The following NRBP2 variants were observed in gnomAD, a reference collection of about 807,000 sequenced individuals.
NRBP2 encodes nuclear receptor binding protein 2.
NRBP2 carries 47 observed loss-of-function variants against 74.4 expected under a neutral mutation model. The observed-to-expected ratio is 0.63, with a 90% confidence interval of 0.50 to 0.81. The LOEUF (loss-of-function observed/expected upper bound fraction) is 0.81, where lower values mean the gene tolerates loss of function less well. NRBP2 is among the 30% of genes least tolerant of loss of function. NRBP2 has a pLI of 0.00. For synonymous variants in NRBP2, 312 were observed against 273.8 expected (o/e 1.14, Z -1.38); for missense variants, 613 against 690.1 (o/e 0.89, Z 1.25).
chr8:143,839,562 G>T lies in NRBP2; in HGVS notation c.445-13C>A, dbSNP rs1554653056. ...AGCGCTTCCAGGCCTGGCGGCGGAC[G>T]CACGACTCCGTCGGTCGGGTGGGCG... On this transcript the variant is annotated splice_polypyrimidine_tract_variant and intron_variant, in intron 4 of 17. Transcript: ENST00000442628. This position sits in a 1 kb window ranked among gnomAD's most constrained non-coding sequence, Gnocchi z 5.1. The T allele has an allele frequency of 2.0e-6, 3 of 1,529,296 alleles. No homozygotes were observed. Among genetic ancestry groups the T allele is most frequent in the Non-Finnish European group, 1.7e-6 (2 of 1,144,004 alleles). The allele number at this position is 1,529,296 out of a possible 1,614,324, so 94.7% of individuals were successfully genotyped here. A position where few individuals can be genotyped will look rare whatever the true frequency, so the allele number is the denominator to read the frequency against.
Position 143,833,671 on chromosome 8 carries a change from A to G in NRBP2, c.*1991T>C, listed in dbSNP as rs1554650730. 1 of 152,208 alleles carries G rather than the reference A, an allele frequency of 6.6e-6. No homozygotes were observed. Among genetic ancestry groups the G allele is most frequent in the African/African-American group, 2.4e-5 (1 of 41,444 alleles). 9.4% of individuals were successfully genotyped at this position (152,208 alleles called of 1,614,324 possible). A position where few individuals can be genotyped will look rare whatever the true frequency, so the allele number is the denominator to read the frequency against. ...ATTCTACTTTAAAAACAATACATAT[A>G]TAATTCTGAAAAGATAAAATTTAAA... On this transcript the variant is annotated 3_prime_UTR_variant, in exon 18 of 18. Transcript: ENST00000442628.
At position 143,837,368 on chromosome 8, in the gene NRBP2, G is replaced by C. The variant is rs12543058; in HGVS notation, c.1076+39C>G. 2.0e-6 allele frequency: 3 copies of C among 1,528,740 alleles called. No individual in the cohort carries two copies. The highest frequency in any genetic ancestry group is 3.7e-5 in the Admixed American group (2 of 53,634). 94.7% of individuals were successfully genotyped at this position (1,528,740 alleles called of 1,614,324 possible). A position where few individuals can be genotyped will look rare whatever the true frequency, so the allele number is the denominator to read the frequency against. Reference sequence around the variant, plus strand: ...GGGGAGGGGAGGTGCGGGGAGGGGAGGTGTGGGGAGGGGAGGCTTCTGGGT... The same window carrying C: ...GGGGAGGGGAGGTGCGGGGAGGGGACGTGTGGGGAGGGGAGGCTTCTGGGT... On this transcript the variant is annotated intron_variant, in intron 12 of 17. Coordinates refer to ENST00000442628, the MANE Select transcript of NRBP2 (RefSeq NM_178564.4). The surrounding 1 kb of genome is among the most constrained non-coding windows in gnomAD (Gnocchi z 4.3).
chr8:143,835,197 G>GC lies in NRBP2; in HGVS notation c.*464dup, dbSNP rs1429651550. On this transcript the variant is annotated 3_prime_UTR_variant, in exon 18 of 18. Coordinates refer to ENST00000442628, the MANE Select transcript of NRBP2 (RefSeq NM_178564.4). This position sits in a 1 kb window ranked among gnomAD's most constrained non-coding sequence, Gnocchi z 4.9. ...GTGTCACCGCTGGCTTGCTGTGCAGGCTCCTTGTGTGGGTCTATGGTGCCA... is the reference window on the plus strand; with the variant it reads ...GTGTCACCGCTGGCTTGCTGTGCAGGCCTCCTTGTGTGGGTCTATGGTGCCA... The GC allele has an allele frequency of 5.4e-6, 1 of 186,308 alleles. No individual in the cohort carries two copies. The highest frequency in any genetic ancestry group is 1.8e-4 in the East Asian group (1 of 5,578). 11.5% of individuals were successfully genotyped at this position (186,308 alleles called of 1,614,324 possible).
Position 143,836,187 on chromosome 8 carries a change from C to A in NRBP2, c.1264-7G>T. On this transcript the variant is annotated splice_region_variant and splice_polypyrimidine_tract_variant and intron_variant, in intron 14 of 17. Transcript: ENST00000442628. ...TGCACTGCATCTGGATGACCTGCAG[C>A]GGGGGAAGGCTGGGACTCACAAACC... The A allele has an allele frequency of 6.5e-7, 1 of 1,541,936 alleles. No homozygotes were observed. The highest frequency in any genetic ancestry group is 8.7e-7 in the Non-Finnish European group (1 of 1,151,892).
Position 143,839,440 on chromosome 8 carries a change from A to G in NRBP2, c.486-32T>C. ...ACGTTGGGGAGGGGAGAGTAGGAGG[A>G]GCCGGTCAGGAGGCTCTGGAGAGAT... On this transcript the variant is annotated intron_variant, in intron 5 of 17. Coordinates refer to ENST00000442628, the MANE Select transcript of NRBP2 (RefSeq NM_178564.4). This position sits in a 1 kb window ranked among gnomAD's most constrained non-coding sequence, Gnocchi z 5.1. The G allele has an allele frequency of 6.5e-7, 1 of 1,537,188 alleles. No individual in the cohort carries two copies. Among genetic ancestry groups the G allele is most frequent in the Non-Finnish European group, 8.7e-7 (1 of 1,148,432 alleles).
chr8:143,835,518 T>C lies in NRBP2; in HGVS notation c.*144A>G, dbSNP rs1554651232. 2 of 681,616 alleles carry C rather than the reference T, an allele frequency of 2.9e-6. No individual in the cohort carries two copies. Among genetic ancestry groups the C allele is most frequent in the Non-Finnish European group, 2.5e-6 (1 of 408,138 alleles). The allele number at this position is 681,616 out of a possible 1,614,324, so 42.2% of individuals were successfully genotyped here. A position where few individuals can be genotyped will look rare whatever the true frequency, so the allele number is the denominator to read the frequency against. ...GCCCAAGGCAGGGTCAGCCCCACTC[T>C]CAGGAGACGGGGGGTTCCTTCACTA... is the stretch of plus-strand genomic sequence containing the variant. On this transcript the variant is annotated 3_prime_UTR_variant, in exon 18 of 18. Coordinates refer to ENST00000442628, the MANE Select transcript of NRBP2 (RefSeq NM_178564.4). This position sits in a 1 kb window ranked among gnomAD's most constrained non-coding sequence, Gnocchi z 4.9.
At chr8:143,830,858 C>T (rs567771124), downstream of NRBP2, among the ~76,000 whole-genome samples, 11 of 152,306 alleles carry the variant, frequency 7.2e-5, no homozygotes, top group South Asian at 1.9e-3. Context: ...AAAGAAACCT[C>T]GGGATGAGAA....
Position 143,838,757 on chromosome 8 carries a change from GGATTTCCAGT to G in NRBP2, c.753_762del (p.Leu252ArgfsTer20). 6.2e-7 allele frequency: 1 copy of G among 1,613,230 alleles called. No individual in the cohort carries two copies. The highest frequency in any genetic ancestry group is 2.2e-5 in the East Asian group (1 of 44,862). ...GTGACCCGGGTGTCCCCATTGGTCTGGATTTCCAGTACAGCCATCTGGGGCACAGAGCCAG... is the reference window on the plus strand; with the variant it reads ...GTGACCCGGGTGTCCCCATTGGTCTGACAGCCATCTGGGGCACAGAGCCAG... On this transcript the variant is annotated frameshift_variant, in exon 10 of 18. Transcript: ENST00000442628. LOFTEE classifies it high-confidence loss of function.
Position 143,839,998 on chromosome 8 carries a change from C to T in NRBP2, c.285G>A (p.Val95=). Reference sequence around the variant, plus strand: ...TCACGATGTTCGGGTGGTCCACCAGCACCAGCTGCTCGAACACGGTCTGGA... The same window carrying T: ...TCACGATGTTCGGGTGGTCCACCAGTACCAGCTGCTCGAACACGGTCTGGA... ...EKIQTVFEQL[V]LVDHPNIVKL... is the part of the protein sequence containing the mutation. Residue 95 remains valine (V), a synonymous_variant, in exon 3 of 18, where the codon GTG becomes GTA. Coordinates refer to ENST00000442628, the MANE Select transcript of NRBP2 (RefSeq NM_178564.4). This position sits in a 1 kb window ranked among gnomAD's most constrained non-coding sequence, Gnocchi z 5.1. The T allele has an allele frequency of 6.5e-7, 1 of 1,536,212 alleles. No homozygotes were observed. The highest frequency in any genetic ancestry group is 8.7e-7 in the Non-Finnish European group (1 of 1,146,910).
Position 143,837,119 on chromosome 8 carries a change from G to C in NRBP2, c.1183C>G (p.Arg395Gly), listed in dbSNP as rs1327131980. The change falls in exon 14 of 18, where the codon CGT becomes GGT. Residue 395 changes from arginine to glycine, a missense_variant. Physicochemically the swap from Arg to Gly is moderately radical, Grantham distance 125 (BLOSUM62 -2). This residue lies in a region of NRBP2 where 281 missense variants were observed against 260.9 expected (regional missense o/e 1.08). Transcript: ENST00000442628. The surrounding 1 kb of genome is among the most constrained non-coding windows in gnomAD (Gnocchi z 4.3). The part of the protein sequence containing the change: ...FAATRPLGLP[R>G]VLAPPPEEVQ... Reference sequence around the variant, plus strand: ...TCCTCCGGGGGTGGGGCCAGCACACGGGGCAGCCCCAGGGGTCGAGTGGCT... The same window carrying C: ...TCCTCCGGGGGTGGGGCCAGCACACCGGGCAGCCCCAGGGGTCGAGTGGCT... 26 of 1,612,334 alleles carry C rather than the reference G, an allele frequency of 1.6e-5. No individual in the cohort carries two copies. In the Admixed American group the frequency reaches 4.3e-4, roughly 27 times the overall value.
chr8:143,839,884 AC>A lies in NRBP2; in HGVS notation c.354+44del. On this transcript the variant is annotated intron_variant, in intron 3 of 17. Transcript: ENST00000442628. The surrounding 1 kb of genome is among the most constrained non-coding windows in gnomAD (Gnocchi z 5.1). ...GCGGGTTCGTCCCCATGCCCGCCCC[AC>A]CTAGCTGTGGTCTCTGCCTGCCCGG... 2 of 1,534,950 alleles carry A rather than the reference AC, an allele frequency of 1.3e-6. No individual in the cohort carries two copies. Among genetic ancestry groups the A allele is most frequent in the Non-Finnish European group, 1.7e-6 (2 of 1,145,898 alleles).
chr8:143,831,771 A>G (rs74671764), downstream of NRBP2, among the ~76,000 whole-genome samples: 1,046 of 152,390 alleles, frequency 6.9e-3, 13 homozygotes, highest in African/African-American at 0.023. Flanking sequence ...GGGAAGTTGT[A>G]TATCAAGACA....
At chr8:143,836,276 G>C (rs902522190) in intron 14 of NRBP2, 96 bp from the exon 15 acceptor site, 25 of 1,420,064 alleles carry the variant, frequency 1.8e-5, no homozygotes, top group South Asian at 3.0e-5. Context: ...GACTGGAAAG[G>C]GGGGAATCTC....
At chr8:143,832,518 A>T (rs569990843), downstream of NRBP2, among the ~76,000 whole-genome samples, 3 of 152,284 alleles carry the variant, frequency 2.0e-5, no homozygotes, top group African/African-American at 7.2e-5. Context: ...GAATGTCTCC[A>T]TATAAAACCT....
At chr8:143,836,077 C>T in intron 15 of NRBP2, 47 bp from the exon 16 acceptor site, 1 of 1,582,372 alleles carries the variant, frequency 6.3e-7, no homozygotes, top group South Asian at 1.2e-5. Flanking sequence ...AGGGCTCCGC[C>T]ACGCTCCCGC....
chr8:143,836,936 G>T, intron 14 of NRBP2, 103 bp downstream of exon 14: 1 of 1,331,924 alleles, frequency 7.5e-7, no homozygotes, highest in Non-Finnish European at 1.0e-6. Flanking sequence ...CAGGAGGAGA[G>T]CTGGGCTGTG....
rs377439002 is a variant in NRBP2 at position 143,835,803 on chromosome 8, C to T, written c.1437+17G>A. The T allele has an allele frequency of 1.1e-3, 1,812 of 1,601,130 alleles. 17 individuals carry two copies. The highest frequency in any genetic ancestry group is 8.3e-3 in the South Asian group (744 of 90,090). ...GTGCGCCCCCTCCGCCAGGCCGCGC[C>T]GCACCGCCCAGCGCACCTCGTGGAG... On this transcript the variant is annotated intron_variant, in intron 17 of 17. Coordinates refer to ENST00000442628, the MANE Select transcript of NRBP2 (RefSeq NM_178564.4). The surrounding 1 kb of genome is among the most constrained non-coding windows in gnomAD (Gnocchi z 4.9).
rs1324288455 is a variant in NRBP2, at chr8:143,834,482, A to G, written c.*1180T>C. 1 of 152,262 alleles carries G rather than the reference A, an allele frequency of 6.6e-6. No homozygotes were observed. Among genetic ancestry groups the G allele is most frequent in the Non-Finnish European group, 1.5e-5 (1 of 68,046 alleles). 9.4% of individuals were successfully genotyped at this position (152,262 alleles called of 1,614,324 possible). A position where few individuals can be genotyped will look rare whatever the true frequency, so the allele number is the denominator to read the frequency against. On this transcript the variant is annotated 3_prime_UTR_variant, in exon 18 of 18. Transcript: ENST00000442628. The stretch of plus-strand genomic sequence containing the variant: ...AAGGCAGCCTGCCAGCCTTGATTCT[A>G]GTCCAGTGAGACCCATAGTCAGACT...
chr8:143,835,950 TC>T lies in NRBP2; in HGVS notation c.1381+16del. 1 of 1,592,862 alleles carries T rather than the reference TC, an allele frequency of 6.3e-7. No individual in the cohort carries two copies. ...CTGGGGTCACCGCCCGCCGCCCAAGTCCCCTGCCCAGCCTACTTGGGAGCAG... is the reference window on the plus strand; with the variant it reads ...CTGGGGTCACCGCCCGCCGCCCAAGTCCCTGCCCAGCCTACTTGGGAGCAG... On this transcript the variant is annotated intron_variant, in intron 16 of 17. Transcript: ENST00000442628. The surrounding 1 kb of genome is among the most constrained non-coding windows in gnomAD (Gnocchi z 4.9).
Sources: allele counts gnomAD v4.1 joint callset (sites outside exome capture counted in the v4.1 genomes callset), GRCh38; gene constraint gnomAD v4.1.1; regional missense constraint gnomAD v4.1.1; non-coding constraint Gnocchi (gnomAD v3.1); transcripts MANE v1.5; gene names NCBI Gene and HGNC (gene_info 2026-07-23, HGNC 2026-07-21).